SREBF2: variants seen among roughly 807,000 people sequenced by gnomAD.
SREBF2 encodes the protein sterol regulatory element-binding protein 2.
A neutral mutation model predicts 113.1 loss-of-function variants in SREBF2; 55 were observed. The ratio of observed to expected loss-of-function variants is 0.49; its 90% CI spans 0.39 to 0.61. SREBF2 has a LOEUF of 0.61. SREBF2 is among the 20% of genes least tolerant of loss of function. The probability of loss-of-function intolerance (pLI) is 0.00; values close to 1 mark genes in which losing one functional copy is unlikely to be tolerated. For missense variants in SREBF2, 1,349 were observed against 1,487.4 expected, an observed-to-expected ratio of 0.91 and a Z score of 1.53; for synonymous variants, 593 against 605.7, an observed-to-expected ratio of 0.98 and a Z score of 0.31.
At chr22:41,884,817 T>C (rs780810309) in intron 10 of SREBF2, 25 bp from the exon 11 acceptor site, 14 of 1,613,884 alleles carry the variant, frequency 8.7e-6, no homozygotes, top group Admixed American at 1.7e-5. Flanking sequence ...CCATCAACAA[T>C]AGTGTCTGTT....
Position 41,873,808 on chromosome 22 carries a change from G to A in SREBF2, c.878G>A (p.Gly293Asp), listed in dbSNP as rs140093673. The A allele has an allele frequency of 2.3e-5, 37 of 1,606,638 alleles. No individual in the cohort carries two copies. Among genetic ancestry groups the A allele is most frequent in the Non-Finnish European group, 3.0e-5 (35 of 1,176,342 alleles). ...TAALQVPTLV[G>D]SSGTILTTMP... ...CTGTCCCTATTCTAGACCCTGGTGG[G>A]CAGCAGTGGGACCATTCTGACCACA... The change falls in exon 5 of 19, where the codon GGC becomes GAC. Residue 293 changes from glycine (G) to aspartate (D), a missense_variant. Physicochemically the swap from Gly to Asp is moderately conservative, Grantham distance 94 (BLOSUM62 -1). Coordinates refer to ENST00000361204, the MANE Select transcript of SREBF2 (RefSeq NM_004599.4).
In SREBF2 at chr22:41,905,114, C is replaced by T. The variant is rs367556790; in HGVS notation, c.3205+140C>T. 1.1e-4 allele frequency: 92 copies of T among 869,144 alleles called. 1 individual carries two copies. The highest frequency in any genetic ancestry group is 9.8e-4 in the East Asian group (37 of 37,582). The allele number at this position is 869,144 out of a possible 1,614,324, so 53.8% of individuals were successfully genotyped here. ...CGCCTCTCTGAGAATGAAAGAAGCC[C>T]GAGGCCGCCCTTGGTGGGTTGCAGG... On this transcript the variant is annotated intron_variant, in intron 18 of 18. Coordinates refer to ENST00000361204, the MANE Select transcript of SREBF2 (RefSeq NM_004599.4).
chr22:41,902,880 G>A, intron 16 of SREBF2, 90 bp from the exon 17 acceptor site: 1 of 1,372,618 alleles, frequency 7.3e-7, no homozygotes, highest in Non-Finnish European at 1.0e-6. Flanking sequence ...GCTGAGTGTT[G>A]GTCTGGGGAG....
chr22:41,869,164 G>C (rs976676003), intron 3 of SREBF2, among the ~76,000 whole-genome samples: 50 of 152,160 alleles, frequency 3.3e-4, no homozygotes, highest in African/African-American at 1.2e-3. Context: ...GAGTGGAGTG[G>C]TGTGGTCTCA....
At position 41,877,359 on chromosome 22, in the gene SREBF2, CCCA is replaced by C; in HGVS notation, c.1519_1521del (p.His507del). On this transcript the variant is annotated inframe_deletion, in exon 8 of 19. Coordinates refer to ENST00000361204, the MANE Select transcript of SREBF2 (RefSeq NM_004599.4). ...ACTTCCCTGCTGCAGTGGGGAGGGG[CCCA>C]CGACTCTGACCAGCACCCACACTCA... 2.5e-6 allele frequency: 4 copies of C among 1,614,146 alleles called. No individual in the cohort carries two copies. The African/African-American group carries it at 5.3e-5, about 22-fold the overall frequency.
At chr22:41,893,643 C>CGGAAGA (rs887725209) in intron 12 of SREBF2, among the ~76,000 whole-genome samples, 5 of 152,158 alleles carry the variant, frequency 3.3e-5, no homozygotes, top group Non-Finnish European at 7.3e-5. Flanking sequence ...GTGAGGCTTG[C>CGGAAGA]TTTCCCTGGC....
At chr22:41,886,527 C>T (rs554980245) in intron 11 of SREBF2, among the ~76,000 whole-genome samples, 13 of 152,302 alleles carry the variant, frequency 8.5e-5, no homozygotes, top group African/African-American at 3.1e-4. Context: ...AAAATGCCCA[C>T]ATTTTAACTT....
Position 41,837,916 on chromosome 22 carries a change from C to T in SREBF2, c.88+4558C>T, listed in dbSNP as rs1260955856. 2.0e-5 allele frequency among the ~76,000 whole-genome samples: 3 copies of T among 151,294 alleles called. No homozygotes were observed. In the East Asian group the frequency reaches 5.8e-4, roughly 29 times the overall value. ...ATACCCAGATTTTTATATGTTGGCT[C>T]ATTTAAAAAAAAAGTACTATAGGCA... is the stretch of plus-strand genomic sequence containing the variant. On this transcript the variant is annotated intron_variant, in intron 1 of 18. Transcript: ENST00000361204.
intron 1 of SREBF2, among the ~76,000 whole-genome samples, chr22:41,848,837 C>G (rs1175664553): frequency 2.0e-5 from 3 of 152,000 alleles, no homozygotes; most frequent in Non-Finnish European, 1.5e-5. Context: ...GCACTTACTG[C>G]CAGGCACTCA....
rs1340390186 is a variant in SREBF2 at position 41,833,137 on chromosome 22, A to T, written c.-134A>T. On this transcript the variant is annotated 5_prime_UTR_variant, in exon 1 of 19. An upstream start codon of the reference 5' UTR is lost. Transcript: ENST00000361204. The surrounding 1 kb of genome is among the most constrained non-coding windows in gnomAD (Gnocchi z 4.1). ...TGCGGCGCCCGGGCGCAACGCAAAC[A>T]TGGCGGCGGGTGGCACCCGTCGGTG... 1 of 609,590 alleles carries T rather than the reference A, an allele frequency of 1.6e-6. No homozygotes were observed. The highest frequency in any genetic ancestry group is 2.6e-6 in the Non-Finnish European group (1 of 389,548). The allele number at this position is 609,590 out of a possible 1,614,324, so 37.8% of individuals were successfully genotyped here. A position where few individuals can be genotyped will look rare whatever the true frequency, so the allele number is the denominator to read the frequency against.
chr22:41,842,889 C>G (rs2076842591), intron 1 of SREBF2, among the ~76,000 whole-genome samples: 1 of 151,902 alleles, frequency 6.6e-6, no homozygotes, highest in African/African-American at 2.4e-5. Flanking sequence ...ACGTGGGAGG[C>G]TGAGGCAGGA....
At chr22:41,862,537 C>T (rs1482190558) in intron 1 of SREBF2, among the ~76,000 whole-genome samples, 1 of 152,172 alleles carries the variant, frequency 6.6e-6, no homozygotes, top group Admixed American at 6.5e-5. Context: ...TAAAACTCGC[C>T]TTCTCCCGGG....
intron 1 of SREBF2, among the ~76,000 whole-genome samples, chr22:41,852,728 A>ATTTTTTTTTTTTTT: frequency 2.5e-5 from 1 of 40,350 alleles, no homozygotes; most frequent in Non-Finnish European, 4.6e-5. Flanking sequence ...TCTCAGAATG[A>ATTTTTTTTTTTTTT]TTTTTTTTTT....
chr22:41,862,845 G>C (rs986271835), intron 1 of SREBF2, among the ~76,000 whole-genome samples: 1 of 152,174 alleles, frequency 6.6e-6, no homozygotes, highest in Admixed American at 6.5e-5. Flanking sequence ...CCGGCTGCCC[G>C]GCTGACTGGA....
intron 11 of SREBF2, among the ~76,000 whole-genome samples, chr22:41,890,049 G>T (rs1411176243): frequency 2.0e-5 from 3 of 151,904 alleles, no homozygotes; most frequent in Non-Finnish European, 2.9e-5. Context: ...AGAAATCATG[G>T]TTATTAAGAA....
At chr22:41,898,146 T>C (rs1328643431) in intron 14 of SREBF2, among the ~76,000 whole-genome samples, 1 of 152,188 alleles carries the variant, frequency 6.6e-6, no homozygotes, top group African/African-American at 2.4e-5. Flanking sequence ...GTCTTACTCT[T>C]GTTGCCCAGG....
intron 1 of SREBF2, among the ~76,000 whole-genome samples, chr22:41,859,722 A>C (rs918861118): frequency 2.0e-5 from 3 of 151,184 alleles, no homozygotes; most frequent in African/African-American, 7.3e-5. Flanking sequence ...ATTGTTAGCC[A>C]CAATGTACAG....
rs781616906 is a variant in SREBF2 at position 41,870,995 on chromosome 22, C to G, written c.827C>G (p.Ala276Gly). The G allele has an allele frequency of 8.7e-6, 14 of 1,613,984 alleles. No individual in the cohort carries two copies. Among genetic ancestry groups the G allele is most frequent in the Non-Finnish European group, 1.7e-6 (2 of 1,180,008 alleles). Reference sequence around the variant, plus strand: ...GCGGTCCAGAACCCGGCCCTCACCGCCCTCACCACCCCTATCCAGACGGCT... The same window carrying G: ...GCGGTCCAGAACCCGGCCCTCACCGGCCTCACCACCCCTATCCAGACGGCT... The part of the protein sequence containing the change: ...MAAVQNPALT[A>G]LTTPIQTAAL... The change falls in exon 4 of 19, where the codon GCC becomes GGC. Residue 276 changes from alanine to glycine, a missense_variant. Physicochemically the swap from Ala to Gly is moderately conservative, Grantham distance 60. Around this residue, in one of 2 missense-constraint regions of SREBF2, gnomAD observed 699 missense variants for 843.3 expected, o/e 0.83. Coordinates refer to ENST00000361204, the MANE Select transcript of SREBF2 (RefSeq NM_004599.4).
In SREBF2 at chr22:41,862,038, A is replaced by G. The variant is rs549753641; in HGVS notation, c.89-4793A>G. On this transcript the variant is annotated intron_variant, in intron 1 of 18. Coordinates refer to ENST00000361204, the MANE Select transcript of SREBF2 (RefSeq NM_004599.4). Reference sequence around the variant, plus strand: ...CAGCCCCTAATAGGGCTGGGTAACAAATACCTGTTAAAGGATTATTGACTG... The same window carrying G: ...CAGCCCCTAATAGGGCTGGGTAACAGATACCTGTTAAAGGATTATTGACTG... 1.3e-4 allele frequency among the ~76,000 whole-genome samples: 19 copies of G among 151,648 alleles called. No individual in the cohort carries two copies. The South Asian group carries it at 3.9e-3, about 31-fold the overall frequency.
Sources: gnomAD v4.1 joint callset for allele counts (sites outside exome capture counted in the v4.1 genomes callset) on GRCh38, gnomAD v4.1.1 for gene constraint, gnomAD v4.1.1 regional missense constraint, Gnocchi (gnomAD v3.1) non-coding constraint, MANE v1.5 for transcripts, NCBI Gene and HGNC (gene_info 2026-07-23, HGNC 2026-07-21) for gene names.